PTPRJ: variants seen among roughly 807,000 people sequenced by gnomAD.
PTPRJ encodes the protein receptor-type tyrosine-protein phosphatase eta.
PTPRJ carries 129 observed loss-of-function variants against 141.3 expected under a neutral mutation model. The ratio of observed to expected loss-of-function variants is 0.91; its 90% confidence interval spans 0.79 to 1.06. PTPRJ has a LOEUF of 1.06. PTPRJ is among the 50% of genes least tolerant of loss of function. PTPRJ has a pLI of 0.00. For missense variants in PTPRJ, 1,601 were observed against 1,679.7 expected (o/e 0.95, Z 0.82); for synonymous variants, 610 against 640.5 (o/e 0.95, Z 0.72).
intron 5 of PTPRJ, 99 bp downstream of exon 5, chr11:48,123,969 T>A (rs973017559): frequency 2.2e-6 from 3 of 1,339,764 alleles, no homozygotes; most frequent in Non-Finnish European, 3.1e-6. Flanking sequence ...GTATGGAGAT[T>A]TAGAATTTAT....
chr11:48,124,933 G>A (rs755197170), intron 5 of PTPRJ, 35 bp from the exon 6 acceptor site: 1 of 1,602,340 alleles, frequency 6.2e-7, no homozygotes, highest in Non-Finnish European at 8.5e-7. Flanking sequence ...TCCCTCTTGT[G>A]GTTGATGTCT....
chr11:48,022,881 A>G (rs147250218), intron 1 of PTPRJ, among the ~76,000 whole-genome samples: 222 of 152,230 alleles, frequency 1.5e-3, no homozygotes, highest in Middle Eastern at 0.01. Flanking sequence ...GGGAAGATGC[A>G]GGAGGAAGTA....
intron 22 of PTPRJ, among the ~76,000 whole-genome samples, chr11:48,160,688 C>G (rs1436880441): frequency 1.3e-5 from 2 of 152,132 alleles, no homozygotes; most frequent in African/African-American, 4.8e-5. Flanking sequence ...TAGGCATGTG[C>G]TGGCTTGAAG....
intron 1 of PTPRJ, among the ~76,000 whole-genome samples, chr11:48,013,081 G>A (rs12789423): frequency 0.035 from 5,200 of 148,338 alleles, 126 homozygotes; most frequent in Non-Finnish European, 0.058. Context: ...TCCAGCCTGG[G>A]CAACAGAGTG....
intron 1 of PTPRJ, among the ~76,000 whole-genome samples, chr11:48,008,870 C>G (rs1854695526): frequency 6.6e-6 from 1 of 152,148 alleles, no homozygotes; most frequent in Admixed American, 6.6e-5. Flanking sequence ...TGGCCACACC[C>G]CGGTTTATTG....
intron 1 of PTPRJ, among the ~76,000 whole-genome samples, chr11:48,068,365 G>T (rs11039510): frequency 0.11 from 17,203 of 152,104 alleles, 1,322 homozygotes; most frequent in Non-Finnish European, 0.17. Context: ...ATAATTGAAT[G>T]GGGGGGTGGT....
At chr11:48,129,393 C>T (rs972725872) in intron 7 of PTPRJ, among the ~76,000 whole-genome samples, 4 of 152,166 alleles carry the variant, frequency 2.6e-5, no homozygotes, top group Admixed American at 6.5e-5. Context: ...CCTTAGTCTG[C>T]GTGTGCCTAT....
chr11:47,994,496 A>G (rs1205604640), intron 1 of PTPRJ, among the ~76,000 whole-genome samples: 1 of 151,964 alleles, frequency 6.6e-6, no homozygotes, highest in Non-Finnish European at 1.5e-5. Context: ...CTCTACTAAA[A>G]TACAAAAAAT....
chr11:48,133,200 G>A (rs894244003), intron 8 of PTPRJ, among the ~76,000 whole-genome samples: 1 of 152,210 alleles, frequency 6.6e-6, no homozygotes, highest in Admixed American at 6.5e-5. Flanking sequence ...GGCCCAGAGT[G>A]ACAAGGTGGC....
chr11:48,125,674 T>G, intron 6 of PTPRJ, among the ~76,000 whole-genome samples: 1 of 152,218 alleles, frequency 6.6e-6, no homozygotes, highest in Non-Finnish European at 1.5e-5. Flanking sequence ...ACTCTGTAAG[T>G]TCACCAATAT....
At chr11:47,981,084 A>G in intron 1 of PTPRJ, 76 bp downstream of exon 1, 1 of 1,174,382 alleles carries the variant, frequency 8.5e-7, no homozygotes, top group Non-Finnish European at 1.1e-6. Context: ...GCCCGAGCGT[A>G]CCCCCCCGGG....
At chr11:48,074,678 T>C (rs1202469783) in intron 1 of PTPRJ, among the ~76,000 whole-genome samples, 1 of 152,228 alleles carries the variant, frequency 6.6e-6, no homozygotes, top group African/African-American at 2.4e-5. Flanking sequence ...AAGTTCAGTG[T>C]TCACATGATG....
In PTPRJ at chr11:48,121,224, A is replaced by G; in HGVS notation, c.574A>G (p.Asn192Asp). The G allele has an allele frequency of 6.2e-7, 1 of 1,614,208 alleles. No homozygotes were observed. Among genetic ancestry groups the G allele is most frequent in the Non-Finnish European group, 8.5e-7 (1 of 1,180,004 alleles). Residue 192 changes from asparagine (N) to aspartate (D), a missense_variant, in exon 4 of 25, where the codon AAT becomes GAT. Asn to Asp is a conservative substitution (Grantham distance 23). Coordinates refer to ENST00000418331, the MANE Select transcript of PTPRJ (RefSeq NM_002843.4). Reference sequence around the variant, plus strand: ...ATTCTCCATCACTCCAGGAATAGGCAATGAGACTTGGGGAGATCCCAGAGT... The same window carrying G: ...ATTCTCCATCACTCCAGGAATAGGCGATGAGACTTGGGGAGATCCCAGAGT... Reference protein sequence around the residue: ...YVFSITPGIGNETWGDPRVIK... With the variant: ...YVFSITPGIGDETWGDPRVIK...
chr11:48,014,604 AT>A (rs1854903324), intron 1 of PTPRJ: 1 of 152,240 alleles, frequency 6.6e-6, no homozygotes, highest in African/African-American at 2.4e-5. Context: ...TGATGAACTC[AT>A]TTTTATGGAG....
At chr11:48,123,278 A>G (rs1243021730) in intron 4 of PTPRJ, among the ~76,000 whole-genome samples, 1 of 152,232 alleles carries the variant, frequency 6.6e-6, no homozygotes, top group Non-Finnish European at 1.5e-5. Flanking sequence ...ATTAAATGCT[A>G]CCATTTAAAA....
Position 48,121,181 on chromosome 11 carries a change from T to C in PTPRJ, c.531T>C (p.Arg177=), listed in dbSNP as rs778372928. 6.2e-7 allele frequency: 1 copy of C among 1,614,114 alleles called. No homozygotes were observed. Among genetic ancestry groups the C allele is most frequent in the South Asian group, 1.1e-5 (1 of 91,088 alleles). The change falls in exon 4 of 25, where the codon CGT becomes CGC. Residue 177 remains arginine (R), a synonymous_variant. Coordinates refer to ENST00000418331, the MANE Select transcript of PTPRJ (RefSeq NM_002843.4). The stretch of plus-strand genomic sequence containing the variant: ...CATGGTGTAACATCACAGGCTTACG[T>C]CCAGCGACTTCATATGTATTCTCCA... The part of the protein sequence containing the change: ...HQPWCNITGL[R]PATSYVFSIT...
chr11:48,073,258 G>A (rs1855308433), intron 1 of PTPRJ, among the ~76,000 whole-genome samples: 2 of 152,158 alleles, frequency 1.3e-5, no homozygotes, highest in Admixed American at 1.3e-4. Flanking sequence ...TCCTGTCCTG[G>A]CCTTTACTGG....
chr11:48,143,014 A>T lies in PTPRJ; in HGVS notation c.2539A>T (p.Ile847Phe). The T allele has an allele frequency of 6.2e-7, 1 of 1,614,206 alleles. No individual in the cohort carries two copies. Residue 847 changes from isoleucine (I) to phenylalanine (F), a missense_variant, in exon 12 of 25, where the codon ATC becomes TTC. Transcript: ENST00000418331. ...FSGFEASHGP[I>F]KAYAVILTTG... ...TGGATTTGAAGCCAGCCACGGACCC[A>T]TCAAAGCCTATGCTGTCATTCTCAC...
chr11:48,040,742 C>G (rs145160446), intron 1 of PTPRJ, among the ~76,000 whole-genome samples: 60 of 151,902 alleles, frequency 3.9e-4, no homozygotes, highest in African/African-American at 1.4e-3. Flanking sequence ...GCTGGGATTA[C>G]AGGCACCTGT....
Sources: gnomAD v4.1 joint callset for allele counts (sites outside exome capture counted in the v4.1 genomes callset) on GRCh38, gnomAD v4.1.1 for gene constraint, MANE v1.5 for transcripts, NCBI Gene and HGNC (gene_info 2026-07-23, HGNC 2026-07-21) for gene names.